Variants in SULT1E1 observed in about 807,000 individuals in gnomAD.
The protein encoded by SULT1E1 is sulfotransferase family 1E member 1.
SULT1E1 carries 36 observed loss-of-function variants against 33.6 expected under a neutral mutation model. The ratio of observed to expected loss-of-function variants is 1.07; its 90% CI spans 0.82 to 1.41. The LOEUF (loss-of-function observed/expected upper bound fraction) is 1.41, where lower values mean the gene tolerates loss of function less well. Ranked by LOEUF, SULT1E1 falls within the 40% of genes most tolerant of loss-of-function variation. The pLI, the probability that SULT1E1 is intolerant of heterozygous loss-of-function variation, is 0.00. For synonymous variants in SULT1E1, 121 were observed against 111.7 expected (o/e 1.08, Z -0.53); for missense variants, 371 against 345.7 (o/e 1.07, Z -0.58).
At chr4:69,837,892 A>G (rs1029474586), downstream of SULT1E1, among the ~76,000 whole-genome samples, 7 of 152,184 alleles carry the variant, frequency 4.6e-5, no homozygotes, top group African/African-American at 1.7e-4. Context: ...TAAATGTTTC[A>G]TAAAATTCAC....
the SULT1E1 span, among the ~76,000 whole-genome samples, chr4:69,829,652 T>C: frequency 7.2e-5 from 11 of 152,256 alleles, no homozygotes; most frequent in Non-Finnish European, 1.6e-4. Context: ...GTAGGTCTCC[T>C]CCCAGCAAAG....
the SULT1E1 span, among the ~76,000 whole-genome samples, chr4:69,831,124 C>A: frequency 2.6e-5 from 4 of 152,162 alleles, no homozygotes; most frequent in African/African-American, 9.7e-5. Flanking sequence ...GCAGCTGGGG[C>A]AGTTGGCCTC....
chr4:69,827,210 G>C, the SULT1E1 span, among the ~76,000 whole-genome samples: 53 of 152,282 alleles, frequency 3.5e-4, no homozygotes, highest in East Asian at 9.5e-3. Context: ...GCTATTGTTA[G>C]ACCAAACCCT....
intron 4 of SULT1E1, among the ~76,000 whole-genome samples, chr4:69,850,553 G>A (rs1044576323): frequency 5.3e-5 from 8 of 152,048 alleles, no homozygotes; most frequent in Admixed American, 5.2e-4. Context: ...CAGAATAAAA[G>A]TGAACATTTT....
chr4:69,826,468 TG>T, the SULT1E1 span, among the ~76,000 whole-genome samples: 1 of 152,106 alleles, frequency 6.6e-6, no homozygotes, highest in African/African-American at 2.4e-5. Flanking sequence ...GCTGTGTCAG[TG>T]AGTGCAACTA....
intron 4 of SULT1E1, among the ~76,000 whole-genome samples, chr4:69,850,681 T>A (rs1199291832): frequency 2.6e-5 from 4 of 152,112 alleles, no homozygotes; most frequent in African/African-American, 9.7e-5. Context: ...ATTAATTTAC[T>A]TCAGAATTTT....
At chr4:69,855,552 G>A in intron 2 of SULT1E1, 126 bp from the exon 3 acceptor site, 1 of 784,926 alleles carries the variant, frequency 1.3e-6, no homozygotes, top group Non-Finnish European at 1.9e-6. Flanking sequence ...TGTCTGAATA[G>A]CCACAGACTC....
intron 7 of SULT1E1, among the ~76,000 whole-genome samples, chr4:69,843,234 A>T (rs1280119939): frequency 1.3e-5 from 2 of 152,124 alleles, no homozygotes; most frequent in Non-Finnish European, 2.9e-5. Flanking sequence ...AAGACAGAAC[A>T]TGTGTATCCT....
the SULT1E1 span, among the ~76,000 whole-genome samples, chr4:69,835,166 C>T: frequency 6.6e-6 from 1 of 152,156 alleles, no homozygotes; most frequent in Non-Finnish European, 1.5e-5. Context: ...CATTATTGCC[C>T]AGCTGATTGC....
intron 7 of SULT1E1, among the ~76,000 whole-genome samples, chr4:69,843,219 A>C (rs1439987887): frequency 1.3e-5 from 2 of 152,064 alleles, no homozygotes; most frequent in East Asian, 3.9e-4. Flanking sequence ...TAACCCAAAA[A>C]CCAGAAGACA....
At chr4:69,832,570 A>G in the SULT1E1 span, among the ~76,000 whole-genome samples, 1 of 152,322 alleles carries the variant, frequency 6.6e-6, no homozygotes, top group South Asian at 2.1e-4. Flanking sequence ...TAATCAGGCT[A>G]TGCCAGGCAT....
At chr4:69,856,935 C>CAAAAAAAA (rs11464421) in intron 2 of SULT1E1, among the ~76,000 whole-genome samples, 6 of 59,236 alleles carry the variant, frequency 1.0e-4, no homozygotes, top group Non-Finnish European at 1.4e-4. Context: ...GACTCCGTCT[C>CAAAAAAAA]AAAAAAAAAA....
intron 6 of SULT1E1, 91 bp from the exon 7 acceptor site, chr4:69,844,432 C>T (rs562428687): frequency 1.1e-6 from 1 of 922,988 alleles, no homozygotes; most frequent in East Asian, 2.7e-5. Flanking sequence ...TTTCTCTTTT[C>T]TCCTACTGAT....
chr4:69,834,183 C>G, the SULT1E1 span, among the ~76,000 whole-genome samples: 508 of 152,214 alleles, frequency 3.3e-3, 6 homozygotes, highest in South Asian at 0.023. Flanking sequence ...CTCCTATATC[C>G]ACTTCTACAT....
At chr4:69,851,114 A>G (rs558565126) in intron 4 of SULT1E1, among the ~76,000 whole-genome samples, 34 of 152,280 alleles carry the variant, frequency 2.2e-4, no homozygotes, top group Admixed American at 5.9e-4. Context: ...CAAAGCCAAA[A>G]TTGACAAATG....
Position 69,841,918 on chromosome 4 carries a change from A to G in SULT1E1, c.*76T>C. On this transcript the variant is annotated 3_prime_UTR_variant, in exon 8 of 8. Coordinates refer to ENST00000226444, the MANE Select transcript of SULT1E1 (RefSeq NM_005420.3). ...ATCCATGATTATGTCTTTTCTAGCA[A>G]TCTAAAATAAGAAAAAGTGGAGAAT... 1.3e-6 allele frequency: 1 copy of G among 799,860 alleles called. No homozygotes were observed. The highest frequency in any genetic ancestry group is 2.0e-6 in the Non-Finnish European group (1 of 501,706). The allele number at this position is 799,860 out of a possible 1,614,324, so 49.5% of individuals were successfully genotyped here. A position where few individuals can be genotyped will look rare whatever the true frequency, so the allele number is the denominator to read the frequency against.
In SULT1E1 at chr4:69,841,935, G is replaced by A. The variant is rs1720893307; in HGVS notation, c.*59C>T. 5 of 885,006 alleles carry A rather than the reference G, an allele frequency of 5.6e-6. No individual in the cohort carries two copies. Among genetic ancestry groups the A allele is most frequent in the South Asian group, 3.3e-5 (2 of 60,600 alleles). 54.8% of individuals were successfully genotyped at this position (885,006 alleles called of 1,614,324 possible). ...TTCTAGCAATCTAAAATAAGAAAAA[G>A]TGGAGAATAATGAAAAGAAATCTTT... is the stretch of plus-strand genomic sequence containing the variant. On this transcript the variant is annotated 3_prime_UTR_variant, in exon 8 of 8. Coordinates refer to ENST00000226444, the MANE Select transcript of SULT1E1 (RefSeq NM_005420.3).
chr4:69,836,292 T>TA (rs1376881815), downstream of SULT1E1, among the ~76,000 whole-genome samples: 4 of 152,226 alleles, frequency 2.6e-5, no homozygotes, highest in Admixed American at 6.5e-5. Context: ...CTCTTCCTCC[T>TA]AGTCAGTCTT....
intron 4 of SULT1E1, among the ~76,000 whole-genome samples, chr4:69,851,908 G>C (rs1721121788): frequency 6.6e-6 from 1 of 152,032 alleles, no homozygotes; most frequent in Non-Finnish European, 1.5e-5. Context: ...CTCACTCATA[G>C]GTGGGAAGTG....
Sources: allele counts gnomAD v4.1 joint callset (sites outside exome capture counted in the v4.1 genomes callset), GRCh38; gene constraint gnomAD v4.1.1; transcripts MANE v1.5; gene names NCBI Gene and HGNC (gene_info 2026-07-23, HGNC 2026-07-21).